PTPRD: variants seen among roughly 807,000 people sequenced by gnomAD.
The protein encoded by PTPRD is receptor-type tyrosine-protein phosphatase delta.
In PTPRD, 34 loss-of-function variants were observed where a neutral mutation model predicts 214.5. The ratio of observed to expected loss-of-function variants is 0.16; its 90% CI spans 0.12 to 0.21. The LOEUF is 0.21. Ranked by LOEUF, PTPRD falls within the 10% of genes least tolerant of loss-of-function variation. The probability of loss-of-function intolerance (pLI) is 1.00; values close to 1 mark genes in which losing one functional copy is unlikely to be tolerated. For missense variants in PTPRD, 2,545 were observed against 2,398.7 expected (o/e 1.06, Z -1.27); for synonymous variants, 1,128 against 845.7 (o/e 1.33, Z -5.79).
intron 11 of PTPRD, among the ~76,000 whole-genome samples, chr9:9,002,461 T>C (rs993940234): frequency 3.9e-5 from 6 of 152,080 alleles, no homozygotes; most frequent in East Asian, 1.9e-4. Context: ...TATTCTATTA[T>C]ATAAACTTAC....
Position 8,499,601 on chromosome 9 carries a change from T to TA in PTPRD, c.2322+45dup, listed in dbSNP as rs755856063. Reference sequence around the variant, plus strand: ...AGCAATTTCAGGATATGAACTAAGATAAACTTATTATATAAAAACAGAGGT... The same window carrying TA: ...AGCAATTTCAGGATATGAACTAAGATAAAACTTATTATATAAAAACAGAGGT... On this transcript the variant is annotated intron_variant, in intron 25 of 45. Coordinates refer to ENST00000381196, the MANE Select transcript of PTPRD (RefSeq NM_002839.4). The TA allele has an allele frequency of 5.8e-6, 9 of 1,563,918 alleles. No individual in the cohort carries two copies. The African/African-American group carries it at 1.1e-4, about 19-fold the overall frequency.
intron 6 of PTPRD, among the ~76,000 whole-genome samples, chr9:9,751,255 T>A (rs2098516090): frequency 6.6e-6 from 1 of 152,134 alleles, no homozygotes; most frequent in Non-Finnish European, 1.5e-5. Flanking sequence ...ATGACTTTAG[T>A]TCCAGGCTTA....
At chr9:10,030,993 C>G (rs1490812551) in intron 4 of PTPRD, among the ~76,000 whole-genome samples, 2 of 152,072 alleles carry the variant, frequency 1.3e-5, no homozygotes, top group East Asian at 1.9e-4. Flanking sequence ...AATGACTACT[C>G]AGAAAAAACC....
intron 4 of PTPRD, among the ~76,000 whole-genome samples, chr9:9,978,336 CT>C (rs1015481825): frequency 5.9e-4 from 89 of 151,796 alleles, no homozygotes; most frequent in African/African-American, 2.0e-3. Flanking sequence ...AGATGGGGAA[CT>C]TTAGCAGAGA....
At chr9:10,099,509 A>T in intron 3 of PTPRD, among the ~76,000 whole-genome samples, 1 of 151,724 alleles carries the variant, frequency 6.6e-6, no homozygotes, top group Non-Finnish European at 1.5e-5. Flanking sequence ...GGTTGATATT[A>T]TTATTTTCTA....
At chr9:9,171,816 T>A (rs1279032106) in intron 10 of PTPRD, among the ~76,000 whole-genome samples, 1 of 152,098 alleles carries the variant, frequency 6.6e-6, no homozygotes, top group East Asian at 1.9e-4. Context: ...GTTCATAGAA[T>A]AAATCTCCAC....
chr9:9,634,748 A>AG (rs1232494120), intron 7 of PTPRD, among the ~76,000 whole-genome samples: 4 of 152,170 alleles, frequency 2.6e-5, no homozygotes, highest in African/African-American at 9.7e-5. Flanking sequence ...CATACTACGT[A>AG]TATATTTTAA....
intron 2 of PTPRD, among the ~76,000 whole-genome samples, chr9:10,376,667 T>C (rs1050998478): frequency 3.3e-5 from 5 of 151,874 alleles, no homozygotes; most frequent in African/African-American, 1.2e-4. Flanking sequence ...TACAGAGCCA[T>C]GTAATTTTGC....
intron 3 of PTPRD, among the ~76,000 whole-genome samples, chr9:10,181,415 G>C (rs1244272140): frequency 6.6e-6 from 1 of 152,066 alleles, no homozygotes; most frequent in Non-Finnish European, 1.5e-5. Flanking sequence ...GAAGTGACTT[G>C]ACATTGTGGA....
chr9:9,764,402 AAAG>A (rs1352524050), intron 6 of PTPRD, among the ~76,000 whole-genome samples: 2 of 152,338 alleles, frequency 1.3e-5, no homozygotes, highest in East Asian at 1.9e-4. Context: ...GAAATTTTGA[AAAG>A]AAGTTCGCAA....
At chr9:9,209,943 A>C (rs866858978) in intron 9 of PTPRD, among the ~76,000 whole-genome samples, 5 of 152,142 alleles carry the variant, frequency 3.3e-5, no homozygotes, top group African/African-American at 1.2e-4. Context: ...GGTTCCTCCT[A>C]AACTCAGATC....
At chr9:10,105,475 T>C (rs147959135) in intron 3 of PTPRD, among the ~76,000 whole-genome samples, 1 of 151,880 alleles carries the variant, frequency 6.6e-6, no homozygotes, top group African/African-American at 2.4e-5. Flanking sequence ...TAAGAAAGCA[T>C]GATTCTTGCC....
At chr9:8,570,245 C>G (rs1407923385) in intron 14 of PTPRD, among the ~76,000 whole-genome samples, 2 of 151,980 alleles carry the variant, frequency 1.3e-5, no homozygotes, top group African/African-American at 4.8e-5. Context: ...AAATACACTC[C>G]TCATAATTTA....
chr9:8,671,668 A>ATT (rs920581335), intron 12 of PTPRD, among the ~76,000 whole-genome samples: 17 of 152,320 alleles, frequency 1.1e-4, no homozygotes, highest in Admixed American at 9.2e-4. Context: ...AAAAGGGCAC[A>ATT]TTTAAAGAGG....
intron 26 of PTPRD, among the ~76,000 whole-genome samples, chr9:8,493,195 G>A (rs1185429053): frequency 2.0e-5 from 3 of 152,070 alleles, no homozygotes; most frequent in African/African-American, 7.2e-5. Flanking sequence ...TAGATCTTAG[G>A]GTATTAGTCA....
At chr9:9,829,690 G>C (rs1746813) in intron 5 of PTPRD, among the ~76,000 whole-genome samples, 28,584 of 151,648 alleles carry the variant, frequency 0.19, 3,064 homozygotes, top group African/African-American at 0.29. Flanking sequence ...GACACTGAAT[G>C]TTTCAGCTGC....
chr9:8,907,175 T>A (rs1270812575), intron 11 of PTPRD, among the ~76,000 whole-genome samples: 1 of 151,288 alleles, frequency 6.6e-6, no homozygotes, highest in South Asian at 2.1e-4. Context: ...CAAAAAATAA[T>A]AGAAACAATT....
chr9:9,508,433 T>A (rs1486716821), intron 8 of PTPRD, among the ~76,000 whole-genome samples: 1 of 151,744 alleles, frequency 6.6e-6, no homozygotes. Context: ...TAAAGACAAT[T>A]AGATTTATGT....
intron 12 of PTPRD, among the ~76,000 whole-genome samples, chr9:8,673,249 C>T (rs187084143): frequency 1.8e-4 from 28 of 151,940 alleles, no homozygotes; most frequent in Admixed American, 1.3e-3. Flanking sequence ...TTAACTGAAA[C>T]GTAAGTAGAA....
Sources: allele counts gnomAD v4.1 joint callset (sites outside exome capture counted in the v4.1 genomes callset), GRCh38; gene constraint gnomAD v4.1.1; transcripts MANE v1.5; gene names NCBI Gene and HGNC (gene_info 2026-07-23, HGNC 2026-07-21).